Variants in PLCH2 observed in about 807,000 individuals in gnomAD.
The protein encoded by PLCH2 is 1-phosphatidylinositol 4,5-bisphosphate phosphodiesterase eta-2.
A neutral mutation model predicts 134.7 loss-of-function variants in PLCH2; 98 were observed. That is an observed-to-expected ratio of 0.73 (90% CI 0.62 to 0.86). PLCH2 has a LOEUF of 0.86. Among genes scored for constraint, PLCH2 ranks in the 40% least tolerant of loss-of-function variants. The pLI, the probability that PLCH2 is intolerant of heterozygous loss-of-function variation, is 0.00. For missense variants in PLCH2, 1,994 were observed against 1,986.6 expected (o/e 1.00, Z -0.07); for synonymous variants, 974 against 827.5 (o/e 1.18, Z -3.04).
chr1:2,504,169 G>A lies in PLCH2; in HGVS notation c.3207G>A (p.Glu1069=). ...GCGAGGGCGCCGGCGGGGCATACGA[G>A]AGGGCCCCCGGCAGCCAGACGGACG... ...CNGEGAGGAY[E]RAPGSQTDGR... Residue 1069 remains glutamate (E), a synonymous_variant, in exon 22 of 22, where the codon GAG becomes GAA. Coordinates refer to ENST00000378486, the MANE Select transcript of PLCH2 (RefSeq NM_014638.4). 5 of 1,530,870 alleles carry A rather than the reference G, an allele frequency of 3.3e-6. No individual in the cohort carries two copies. The highest frequency in any genetic ancestry group is 4.4e-6 in the Non-Finnish European group (5 of 1,140,740). 94.8% of individuals were successfully genotyped at this position (1,530,870 alleles called of 1,614,324 possible).
At chr1:2,435,649 C>G (rs1010975754) in intron 2 of PLCH2, among the ~76,000 whole-genome samples, 1 of 152,066 alleles carries the variant, frequency 6.6e-6, no homozygotes, top group Non-Finnish European at 1.5e-5. Flanking sequence ...CTCTCAGAGC[C>G]CACAGCACGC....
chr1:2,491,236 A>G lies in PLCH2; in HGVS notation c.1560A>G (p.Lys520=), dbSNP rs1642561642. The change falls in exon 11 of 22, where the codon AAA becomes AAG. Residue 520 remains lysine (K), a synonymous_variant. Coordinates refer to ENST00000378486, the MANE Select transcript of PLCH2 (RefSeq NM_014638.4). ...RKRVENTAKR[K]LDSLIKESKI... ...GTGTAGAAAACACTGCTAAGAGGAA[A>G]CTGGATTCCCTCATCAAAGAGTCGA... 6.8e-6 allele frequency: 11 copies of G among 1,613,238 alleles called. No individual in the cohort carries two copies. The highest frequency in any genetic ancestry group is 2.7e-5 in the African/African-American group (2 of 75,042).
At chr1:2,480,744 C>T (rs747835435) in intron 4 of PLCH2, among the ~76,000 whole-genome samples, 4 of 152,240 alleles carry the variant, frequency 2.6e-5, no homozygotes, top group African/African-American at 4.8e-5. Flanking sequence ...TTCCCCATGC[C>T]GCCCTCGCCC....
chr1:2,479,646 G>A (rs1425862089), intron 2 of PLCH2, 88 bp from the exon 3 acceptor site: 16 of 1,392,124 alleles, frequency 1.1e-5, no homozygotes, highest in Non-Finnish European at 1.5e-5. Flanking sequence ...GGAGCTCCCG[G>A]CTGCTTGGTC....
At chr1:2,476,807 G>T in intron 1 of PLCH2, 95 bp downstream of exon 1, 1 of 1,308,506 alleles carries the variant, frequency 7.6e-7, no homozygotes, top group Non-Finnish European at 1.0e-6. Context: ...GGAAGCCTGG[G>T]CCTCCATCCC....
chr1:2,473,688 G>A (rs977248091), upstream of PLCH2, among the ~76,000 whole-genome samples: 1 of 152,208 alleles, frequency 6.6e-6, no homozygotes, highest in Non-Finnish European at 1.5e-5. Context: ...GAGCAGGGAG[G>A]AGGACTTCGA....
At chr1:2,461,008 C>T (rs561174015) in intron 2 of PLCH2, among the ~76,000 whole-genome samples, 18 of 152,258 alleles carry the variant, frequency 1.2e-4, no homozygotes, top group African/African-American at 3.4e-4. Flanking sequence ...TCTCTGGGGC[C>T]GGATCTCACA....
chr1:2,480,011 C>T lies in PLCH2; in HGVS notation c.515+34C>T, dbSNP rs772909022. 18 of 1,594,268 alleles carry T rather than the reference C, an allele frequency of 1.1e-5. No individual in the cohort carries two copies. In the Middle Eastern group the frequency reaches 6.7e-4, roughly 59 times the overall value. ...GGGCACCTATCGGGCAATGCAGACC[C>T]AGGGACCGGCCCCTTGGCTGCTCAC... On this transcript the variant is annotated intron_variant, in intron 3 of 21. Transcript: ENST00000378486.
Position 2,455,802 on chromosome 1 carries a change from C to G in PLCH2, c.116-22674C>G, listed in dbSNP as rs567739641. 7.2e-5 allele frequency among the ~76,000 whole-genome samples: 11 copies of G among 152,248 alleles called. No homozygotes were observed. In the East Asian group the frequency reaches 9.7e-4, roughly 13 times the overall value. ...CACCGGGAGCCCCTCGGGCCCTCCA[C>G]CCCCCTGCAGGGCCTCCCTCCCCGG... is the stretch of plus-strand genomic sequence containing the variant. On this transcript the variant is annotated intron_variant, in intron 2 of 3. Coordinates refer to the PLCH2 transcript ENST00000609981.
At chr1:2,478,256 G>A (rs1641746174) in intron 1 of PLCH2, among the ~76,000 whole-genome samples, 1 of 152,200 alleles carries the variant, frequency 6.6e-6, no homozygotes, top group Admixed American at 6.5e-5. Flanking sequence ...TGTGACCCAG[G>A]CAAGCCGGCA....
intron 8 of PLCH2, among the ~76,000 whole-genome samples, chr1:2,487,962 G>A (rs532700628): frequency 9.2e-5 from 14 of 152,222 alleles, no homozygotes; most frequent in African/African-American, 1.4e-4. Context: ...ACCTCCCGGT[G>A]TCAGTGCCCA....
At chr1:2,491,054 T>C in intron 10 of PLCH2, 138 bp from the exon 11 acceptor site, 1 of 794,412 alleles carries the variant, frequency 1.3e-6, no homozygotes, top group Non-Finnish European at 2.0e-6. Context: ...TGCCTGTGGC[T>C]GCCTGCAGGC....
intron 2 of PLCH2, among the ~76,000 whole-genome samples, chr1:2,457,758 C>T (rs933218637): frequency 4.6e-5 from 7 of 152,064 alleles, no homozygotes; most frequent in African/African-American, 1.4e-4. Context: ...GTACCCACAG[C>T]CTCGTGTGGA....
chr1:2,503,202 C>T, intron 21 of PLCH2: 1 of 585,932 alleles, frequency 1.7e-6, no homozygotes, highest in Non-Finnish European at 3.1e-6. Context: ...GGGACTGTGG[C>T]CTGACATGCT....
intron 13 of PLCH2, 27 bp downstream of exon 13, chr1:2,495,597 C>T: frequency 6.7e-7 from 1 of 1,494,352 alleles, no homozygotes; most frequent in Non-Finnish European, 9.0e-7. Flanking sequence ...ACGGGGAGGC[C>T]CCGCACACTC....
chr1:2,472,615 T>C (rs1254366970), upstream of PLCH2, among the ~76,000 whole-genome samples: 1 of 152,088 alleles, frequency 6.6e-6, no homozygotes, highest in Non-Finnish European at 1.5e-5. Context: ...GGACAGCAGG[T>C]GACGGTCAGG....
chr1:2,416,025 A>AC, the PLCH2 span, among the ~76,000 whole-genome samples: 1 of 152,120 alleles, frequency 6.6e-6, no homozygotes, highest in African/African-American at 2.4e-5. Flanking sequence ...TCGTATCCCC[A>AC]TCCCCCCACC....
chr1:2,499,572 G>C (rs1013177297), intron 19 of PLCH2, 69 bp from the exon 20 acceptor site: 3 of 1,177,116 alleles, frequency 2.5e-6, no homozygotes, highest in Admixed American at 2.0e-5. Context: ...TAAGTAGAAT[G>C]GGGGGCAGAG....
chr1:2,498,487 G>A lies in PLCH2; in HGVS notation c.2225-36G>A, dbSNP rs1463464024. The A allele has an allele frequency of 1.3e-6, 2 of 1,594,306 alleles. No homozygotes were observed. Among genetic ancestry groups the A allele is most frequent in the East Asian group, 2.3e-5 (1 of 44,300 alleles). ...CCAGCAAGCAGGGGGCTTGCTGAGGGCTGGGCCACTGACCACCTCCCCGGC... is the reference window on the plus strand; with the variant it reads ...CCAGCAAGCAGGGGGCTTGCTGAGGACTGGGCCACTGACCACCTCCCCGGC... On this transcript the variant is annotated intron_variant, in intron 16 of 21. Coordinates refer to ENST00000378486, the MANE Select transcript of PLCH2 (RefSeq NM_014638.4). This position sits in a 1 kb window ranked among gnomAD's most constrained non-coding sequence, Gnocchi z 5.4.
Sources: gnomAD v4.1 joint callset for allele counts (sites outside exome capture counted in the v4.1 genomes callset) on GRCh38, gnomAD v4.1.1 for gene constraint, Gnocchi (gnomAD v3.1) non-coding constraint, MANE v1.5 for transcripts, NCBI Gene and HGNC (gene_info 2026-07-23, HGNC 2026-07-21) for gene names.